CFAP96: variants seen among roughly 807,000 people sequenced by gnomAD.
CFAP96 encodes the protein cilia and flagella associated protein 96, also known as cilia-and flagella-associated protein 96.
the CFAP96 span, chr4:185,431,881 A>G: frequency 1.0e-6 from 1 of 969,414 alleles, no homozygotes; most frequent in African/African-American, 1.6e-5. Flanking sequence ...CTCAAAATTC[A>G]TAATTGGCCC....
chr4:185,430,421 A>G, the CFAP96 span, among the ~76,000 whole-genome samples: 2 of 152,224 alleles, frequency 1.3e-5, no homozygotes, highest in Admixed American at 6.5e-5. Flanking sequence ...CTGAGACAGC[A>G]TTTAAAAAAA....
At chr4:185,429,506 T>C in the CFAP96 span, 1 of 1,516,784 alleles carries the variant, frequency 6.6e-7, no homozygotes, top group Admixed American at 2.1e-5. Flanking sequence ...GTGTCACAAT[T>C]TAATCGTAAG....
the CFAP96 span, among the ~76,000 whole-genome samples, chr4:185,411,791 A>G: frequency 6.6e-6 from 1 of 152,342 alleles, no homozygotes; most frequent in Admixed American, 6.5e-5. Context: ...AATCATAAAG[A>G]TAATTAACTA....
the CFAP96 span, among the ~76,000 whole-genome samples, chr4:185,415,550 C>T: frequency 5.3e-5 from 8 of 152,124 alleles, no homozygotes; most frequent in African/African-American, 1.9e-4. Context: ...TAGCATGCTA[C>T]CCTACTTCCT....
the CFAP96 span, among the ~76,000 whole-genome samples, chr4:185,410,273 A>G: frequency 6.6e-6 from 1 of 152,244 alleles, no homozygotes; most frequent in Non-Finnish European, 1.5e-5. Flanking sequence ...TTAGAAGTGA[A>G]CAAAACTAAA....
the CFAP96 span, among the ~76,000 whole-genome samples, chr4:185,441,125 T>C: frequency 1.3e-5 from 2 of 152,040 alleles, no homozygotes; most frequent in Non-Finnish European, 2.9e-5. Flanking sequence ...GAATTCATAA[T>C]GAATTTTTGA....
At chr4:185,439,913 C>T in the CFAP96 span, among the ~76,000 whole-genome samples, 1 of 142,040 alleles carries the variant, frequency 7.0e-6, no homozygotes, top group Non-Finnish European at 1.5e-5. Flanking sequence ...ACATATATAT[C>T]TCATATATAT....
chr4:185,440,573 G>A, the CFAP96 span: 1 of 1,532,736 alleles, frequency 6.5e-7, no homozygotes, highest in Non-Finnish European at 8.8e-7. Flanking sequence ...TTTACTTAAA[G>A]GAGCACCATT....
At chr4:185,436,334 A>G in the CFAP96 span, 7 of 1,550,422 alleles carry the variant, frequency 4.5e-6, no homozygotes, top group Non-Finnish European at 6.1e-6. Context: ...GCCGACTTCT[A>G]TGATGCAGCA....
chr4:185,436,168 AAG>A, the CFAP96 span: 1 of 1,550,902 alleles, frequency 6.4e-7, no homozygotes, highest in African/African-American at 1.4e-5. Context: ...CCGGGAAAGA[AAG>A]GAACTGGATA....
chr4:185,436,499 C>T, the CFAP96 span: 1 of 574,632 alleles, frequency 1.7e-6, no homozygotes, highest in Admixed American at 2.8e-5. Context: ...ATCACGAGGT[C>T]AGGAGTTCGA....
the CFAP96 span, among the ~76,000 whole-genome samples, chr4:185,416,531 A>G: frequency 1.3e-5 from 2 of 152,226 alleles, no homozygotes; most frequent in Admixed American, 1.3e-4. Flanking sequence ...CTCACTGGGA[A>G]AAGGTCAAGC....
chr4:185,447,460 T>A, the CFAP96 span, among the ~76,000 whole-genome samples: 5 of 152,244 alleles, frequency 3.3e-5, no homozygotes, highest in East Asian at 1.9e-4. Context: ...GATTACAGGC[T>A]TGATCCACCA....
At chr4:185,430,123 CA>C in the CFAP96 span, among the ~76,000 whole-genome samples, 6 of 152,188 alleles carry the variant, frequency 3.9e-5, no homozygotes, top group Admixed American at 3.9e-4. Flanking sequence ...CCTATGCAAA[CA>C]GCATTTACAT....
At chr4:185,411,564 C>T in the CFAP96 span, among the ~76,000 whole-genome samples, 6 of 151,952 alleles carry the variant, frequency 3.9e-5, no homozygotes, top group Admixed American at 6.6e-5. Flanking sequence ...ATAACCAAAC[C>T]GAGTTTATTT....
At chr4:185,425,644 G>A in the CFAP96 span, among the ~76,000 whole-genome samples, 3 of 152,370 alleles carry the variant, frequency 2.0e-5, no homozygotes, top group South Asian at 6.2e-4. Context: ...GGGGGTGCGT[G>A]TCCAAGGTGG....
the CFAP96 span, chr4:185,435,951 CTT>C: frequency 4.0e-6 from 4 of 1,004,054 alleles, no homozygotes; most frequent in Non-Finnish European, 5.5e-6. Context: ...ATTTTTTTCT[CTT>C]TTTTTCAATC....
At chr4:185,439,933 A>T in the CFAP96 span, among the ~76,000 whole-genome samples, 1 of 140,294 alleles carries the variant, frequency 7.1e-6, no homozygotes, top group Non-Finnish European at 1.6e-5. Context: ...TGATATATAT[A>T]CATATATGTA....
chr4:185,418,359 A>C, the CFAP96 span: 10 of 1,090,302 alleles, frequency 9.2e-6, 1 homozygote, highest in Admixed American at 2.3e-4. Flanking sequence ...TAAGAGGGTT[A>C]AATTATTTCT....
Sources: allele counts gnomAD v4.1 joint callset (sites outside exome capture counted in the v4.1 genomes callset), GRCh38; gene constraint gnomAD v4.1.1; transcripts MANE v1.5; gene names NCBI Gene and HGNC (gene_info 2026-07-23, HGNC 2026-07-21).